The following TF variants were observed in gnomAD, a reference collection of about 807,000 sequenced individuals.
TF encodes transferrin, also known as serotransferrin.
Under a neutral mutation model 82.4 loss-of-function variants are expected in TF, and 55 were observed. The ratio of observed to expected loss-of-function variants is 0.67; its 90% CI spans 0.54 to 0.84. The LOEUF is 0.84. Among genes scored for constraint, TF ranks in the 40% least tolerant of loss-of-function variants. The probability of loss-of-function intolerance (pLI) is 0.00; values close to 1 mark genes in which losing one functional copy is unlikely to be tolerated. For synonymous variants in TF, 332 were observed against 332.6 expected, an observed-to-expected ratio of 1.00 and a Z score of 0.02; for missense variants, 737 against 868.4, an observed-to-expected ratio of 0.85 and a Z score of 1.90.
the TF span, among the ~76,000 whole-genome samples, chr3:133,715,973 T>A: frequency 0.1 from 15,620 of 152,240 alleles, 1,167 homozygotes; most frequent in East Asian, 0.27. Flanking sequence ...TGTTAATTGA[T>A]CTACCAGCAT....
chr3:133,713,376 G>T, the TF span, among the ~76,000 whole-genome samples: 2 of 152,284 alleles, frequency 1.3e-5, no homozygotes, highest in East Asian at 3.9e-4. Flanking sequence ...AGGCTTTGTT[G>T]GAGCTTATGC....
chr3:133,713,684 G>T, the TF span, among the ~76,000 whole-genome samples: 1 of 152,192 alleles, frequency 6.6e-6, no homozygotes, highest in African/African-American at 2.4e-5. Context: ...TAAGATTTAT[G>T]GTGGGAGCTG....
At chr3:133,725,868 G>A in the TF span, among the ~76,000 whole-genome samples, 3 of 152,096 alleles carry the variant, frequency 2.0e-5, no homozygotes, top group Admixed American at 1.3e-4. Flanking sequence ...TAGCATGAAG[G>A]GTTGTTGAAT....
chr3:133,739,890 G>A, the TF span, among the ~76,000 whole-genome samples: 6 of 152,336 alleles, frequency 3.9e-5, no homozygotes, highest in Admixed American at 1.3e-4. Context: ...TGGTGGGAGT[G>A]TAAATTAGTT....
the TF span, among the ~76,000 whole-genome samples, chr3:133,663,687 G>A: frequency 6.6e-6 from 1 of 152,284 alleles, no homozygotes; most frequent in South Asian, 2.1e-4. Context: ...CAGGGACTGT[G>A]TCACTTGCCC....
the TF span, among the ~76,000 whole-genome samples, chr3:133,665,511 T>C: frequency 6.6e-6 from 1 of 151,126 alleles, no homozygotes. Flanking sequence ...AAAATGTAGT[T>C]GGGGTAGGGA....
chr3:133,739,676 G>A, the TF span, among the ~76,000 whole-genome samples: 1 of 150,184 alleles, frequency 6.7e-6, no homozygotes, highest in Non-Finnish European at 1.5e-5. Flanking sequence ...TCAAAAAGTG[G>A]GCAAAGGATA....
Position 133,746,481 on chromosome 3 carries a change from TG to T in TF, c.43+1del. ...GGAGCCCTGCTGGTCTGCGCCGTCC[TG>T]GGTGAGTGCGGGCACGGGGTAGCAC... ...AVGALLVCAV[L>X]GLCLAVPDKT... On this transcript the variant is annotated frameshift_variant and splice_region_variant, in exon 1 of 17. Transcript: ENST00000402696. LOFTEE classifies it high-confidence loss of function. 1 of 1,598,650 alleles carries T rather than the reference TG, an allele frequency of 6.3e-7. No homozygotes were observed. Among genetic ancestry groups the T allele is most frequent in the South Asian group, 1.1e-5 (1 of 89,418 alleles).
At chr3:133,695,047 G>T in the TF span, among the ~76,000 whole-genome samples, 21 of 152,070 alleles carry the variant, frequency 1.4e-4, 1 homozygote, top group South Asian at 4.3e-3. Flanking sequence ...GGGTTCAAAG[G>T]CCCTTCAGAC....
chr3:133,724,118 G>A, the TF span, among the ~76,000 whole-genome samples: 212 of 152,246 alleles, frequency 1.4e-3, no homozygotes, highest in Middle Eastern at 3.4e-3. Flanking sequence ...ATAAATATAC[G>A]TGTGCATGTG....
At chr3:133,725,282 C>T in the TF span, among the ~76,000 whole-genome samples, 1 of 152,180 alleles carries the variant, frequency 6.6e-6, no homozygotes, top group Admixed American at 6.5e-5. Context: ...TTCTTCCTAA[C>T]CATGAGCATG....
the TF span, among the ~76,000 whole-genome samples, chr3:133,730,468 T>C: frequency 1.3e-5 from 2 of 152,228 alleles, no homozygotes; most frequent in East Asian, 1.9e-4. Context: ...CTTGTGGTTC[T>C]ACCACCAATT....
At chr3:133,734,377 G>A in the TF span, among the ~76,000 whole-genome samples, 1 of 152,170 alleles carries the variant, frequency 6.6e-6, no homozygotes. Flanking sequence ...AGGCTTGAAT[G>A]TCTTGTTCTA....
At chr3:133,683,046 ATTCAACATTT>A in the TF span, among the ~76,000 whole-genome samples, 2 of 152,222 alleles carry the variant, frequency 1.3e-5, no homozygotes, top group African/African-American at 4.8e-5. Context: ...GGGGGCCAAT[ATTCAACATTT>A]TTAAAGAAAA....
chr3:133,737,328 A>C, the TF span, among the ~76,000 whole-genome samples: 1 of 152,230 alleles, frequency 6.6e-6, no homozygotes, highest in African/African-American at 2.4e-5. Context: ...GTTTAGAGGG[A>C]AATTTATACC....
At chr3:133,726,964 G>A in the TF span, among the ~76,000 whole-genome samples, 19 of 152,092 alleles carry the variant, frequency 1.2e-4, no homozygotes, top group South Asian at 3.1e-3. Context: ...GTAGTTGAGC[G>A]GTTTTGAGTG....
At chr3:133,724,493 G>A in the TF span, among the ~76,000 whole-genome samples, 1 of 152,150 alleles carries the variant, frequency 6.6e-6, no homozygotes, top group Non-Finnish European at 1.5e-5. Context: ...GCCCACATTT[G>A]ATGGGGTTGT....
In TF at chr3:133,766,405, C is replaced by G. The variant is rs1260955992; in HGVS notation, c.1458C>G (p.Leu486=). Residue 486 remains leucine, a synonymous_variant, in exon 12 of 17, where the codon CTC becomes CTG. Coordinates refer to ENST00000402696, the MANE Select transcript of TF (RefSeq NM_001063.4). ...TAGWNIPMGL[L]YNKINHCRFD... is the part of the protein sequence containing the mutation. Reference sequence around the variant, plus strand: ...GCTGGAACATCCCCATGGGCCTGCTCTACAATAAGATCAACCACTGCAGAT... The same window carrying G: ...GCTGGAACATCCCCATGGGCCTGCTGTACAATAAGATCAACCACTGCAGAT... The G allele has an allele frequency of 2.5e-6, 4 of 1,614,146 alleles. No homozygotes were observed. In the South Asian group the frequency reaches 3.3e-5, roughly 13 times the overall value.
intron 1 of TF, 147 bp downstream of exon 1, chr3:133,746,630 C>A: frequency 1.2e-6 from 1 of 858,964 alleles, no homozygotes; most frequent in Non-Finnish European, 1.8e-6. Context: ...CTCTACGCCC[C>A]ACCCCTGGCC....
Sources: gnomAD v4.1 joint callset for allele counts (sites outside exome capture counted in the v4.1 genomes callset) on GRCh38, gnomAD v4.1.1 for gene constraint, MANE v1.5 for transcripts, NCBI Gene and HGNC (gene_info 2026-07-23, HGNC 2026-07-21) for gene names.